Variants in UEVLD observed in about 807,000 individuals in gnomAD.
UEVLD encodes ubiquitin-conjugating enzyme E2 variant 3.
A neutral mutation model predicts 58.6 loss-of-function variants in UEVLD; 47 were observed. The observed-to-expected ratio is 0.80, with a 90% CI of 0.63 to 1.02. The LOEUF (loss-of-function observed/expected upper bound fraction) is 1.02. Among genes scored for constraint, UEVLD ranks in the 50% least tolerant of loss-of-function variants. The pLI is 0.00. For synonymous variants in UEVLD, 197 were observed against 195.3 expected (o/e 1.01, Z -0.07); for missense variants, 510 against 550.6 (o/e 0.93, Z 0.74).
intron 1 of UEVLD, among the ~76,000 whole-genome samples, chr11:18,586,874 CA>C (rs1275925879): frequency 1.5e-5 from 2 of 136,122 alleles, no homozygotes; most frequent in Non-Finnish European, 3.4e-5. Flanking sequence ...ACTAAAAATA[CA>C]AAAAAAATTA....
intron 7 of UEVLD, among the ~76,000 whole-genome samples, chr11:18,553,140 G>A (rs1412546288): frequency 7.4e-6 from 1 of 135,968 alleles, no homozygotes; most frequent in Non-Finnish European, 1.6e-5. Flanking sequence ...GGGTGACAGA[G>A]TGAGGTTCCG....
At chr11:18,551,664 T>C (rs1851535301) in intron 7 of UEVLD, among the ~76,000 whole-genome samples, 1 of 152,190 alleles carries the variant, frequency 6.6e-6, no homozygotes. Flanking sequence ...ATTAGCATAA[T>C]GCTAAGTTTC....
chr11:18,534,261 G>T, intron 11 of UEVLD, 69 bp downstream of exon 11: 1 of 1,211,262 alleles, frequency 8.3e-7, no homozygotes, highest in Non-Finnish European at 1.1e-6. Context: ...TATGAATAAT[G>T]ATTTTGTTAG....
intron 9 of UEVLD, among the ~76,000 whole-genome samples, chr11:18,542,699 A>T (rs1000167740): frequency 1.3e-5 from 2 of 152,104 alleles, no homozygotes; most frequent in Admixed American, 1.3e-4. Flanking sequence ...ATCAATGTTA[A>T]TATTTTATTT....
intron 7 of UEVLD, among the ~76,000 whole-genome samples, chr11:18,552,557 T>C (rs888533162): frequency 4.6e-5 from 7 of 150,974 alleles, no homozygotes; most frequent in Admixed American, 1.3e-4. Context: ...AAAATGAAAA[T>C]AAAAATTAAA....
chr11:18,563,623 A>G, intron 6 of UEVLD: 1 of 934,726 alleles, frequency 1.1e-6, no homozygotes, highest in Non-Finnish European at 1.3e-6. Context: ...CCAAATAAAA[A>G]TTCAGATGAG....
At chr11:18,536,385 C>T in intron 10 of UEVLD, 21 bp downstream of exon 10, 2 of 1,611,618 alleles carry the variant, frequency 1.2e-6, no homozygotes, top group Non-Finnish European at 1.7e-6. Context: ...TGGATAAATG[C>T]AAATTTCCAG....
At chr11:18,585,023 T>C (rs1853467901) in intron 1 of UEVLD, among the ~76,000 whole-genome samples, 2 of 152,238 alleles carry the variant, frequency 1.3e-5, no homozygotes, top group Admixed American at 1.3e-4. Context: ...ATAGCTTCTC[T>C]AAGTTTGTAT....
intron 1 of UEVLD, among the ~76,000 whole-genome samples, chr11:18,581,383 T>C (rs949053041): frequency 2.0e-5 from 3 of 151,244 alleles, no homozygotes; most frequent in African/African-American, 7.3e-5. Context: ...TCTAGAACAG[T>C]ATAGAAAATT....
chr11:18,557,595 C>G (rs1851811709), intron 7 of UEVLD, among the ~76,000 whole-genome samples: 1 of 145,406 alleles, frequency 6.9e-6, no homozygotes, highest in Non-Finnish European at 1.5e-5. Context: ...ATATGTTGCT[C>G]AGGCTGGAGT....
chr11:18,536,401 G>A lies in UEVLD; in HGVS notation c.1124+5C>T. The A allele has an allele frequency of 1.2e-6, 2 of 1,613,456 alleles. No individual in the cohort carries two copies. The highest frequency in any genetic ancestry group is 1.7e-6 in the Non-Finnish European group (2 of 1,179,532). On this transcript the variant is annotated splice_donor_5th_base_variant and intron_variant, in intron 10 of 11. Transcript: ENST00000396197. ...GGATAAATGCAAATTTCCAGTCAGT[G>A]TTACCTGTTGGACAGCTGCACTTGA...
intron 7 of UEVLD, among the ~76,000 whole-genome samples, chr11:18,552,982 CGT>C (rs1049100173): frequency 5.4e-5 from 8 of 148,020 alleles, no homozygotes; most frequent in South Asian, 2.3e-4. Flanking sequence ...GGTGAAACCC[CGT>C]CTCTACTAAA....
intron 2 of UEVLD, 85 bp downstream of exon 2, chr11:18,578,639 A>G (rs1853061737): frequency 1.1e-6 from 1 of 917,872 alleles, no homozygotes; most frequent in African/African-American, 1.7e-5. Flanking sequence ...AGAGAAAAAG[A>G]GAAATTACAA....
At chr11:18,572,437 A>T (rs1318917962) in intron 3 of UEVLD, among the ~76,000 whole-genome samples, 2 of 152,206 alleles carry the variant, frequency 1.3e-5, no homozygotes, top group Non-Finnish European at 2.9e-5. Context: ...CCCTTCCCAA[A>T]TGTTTAAATT....
In UEVLD at chr11:18,555,852, G is replaced by A. The variant is rs565012038; in HGVS notation, c.715+2376C>T. Among the ~76,000 whole-genome samples, 154 of 152,252 alleles carry A rather than the reference G, an allele frequency of 1.0e-3. 3 individuals carry two copies. The South Asian group carries it at 0.031, about 31-fold the overall frequency. On this transcript the variant is annotated intron_variant, in intron 7 of 11. Coordinates refer to ENST00000396197, the MANE Select transcript of UEVLD (RefSeq NM_001040697.4). ...TAGTCCAAGCTACTTAGGAGGCTGA[G>A]GTGGGAGGATCGCTTGAACCCAGGA...
At chr11:18,532,600 TAAAA>T in intron 11 of UEVLD, 113 bp from the exon 12 acceptor site, 2 of 883,998 alleles carry the variant, frequency 2.3e-6, no homozygotes, top group Non-Finnish European at 3.1e-6. Context: ...AAGTTGGACT[TAAAA>T]AAATTTTTTT....
intron 10 of UEVLD, among the ~76,000 whole-genome samples, chr11:18,535,809 T>G (rs1012756317): frequency 2.6e-5 from 4 of 152,222 alleles, no homozygotes; most frequent in Non-Finnish European, 4.4e-5. Flanking sequence ...AGATATTCAT[T>G]TTTAAGTGGT....
At chr11:18,534,244 G>T in intron 11 of UEVLD, 86 bp downstream of exon 11, 2 of 1,058,754 alleles carry the variant, frequency 1.9e-6, no homozygotes, top group Non-Finnish European at 2.5e-6. Flanking sequence ...GACACCTGGG[G>T]TTAGAGTATG....
At position 18,530,070 on chromosome 11, in the gene UEVLD, A is replaced by T. The variant is rs964033469; in HGVS notation, c.*2250T>A. On this transcript the variant is annotated 3_prime_UTR_variant, in exon 12 of 12. Transcript: ENST00000396197. Reference sequence around the variant, plus strand: ...TAATTAATGTAATGATTTCTTGGTAATTTATTATACAATATTTTCTGGTTA... The same window carrying T: ...TAATTAATGTAATGATTTCTTGGTATTTTATTATACAATATTTTCTGGTTA... 6.6e-6 allele frequency: 1 copy of T among 152,174 alleles called. No individual in the cohort carries two copies. Among genetic ancestry groups the T allele is most frequent in the Non-Finnish European group, 1.5e-5 (1 of 68,020 alleles). The allele number at this position is 152,174 out of a possible 1,614,324, so 9.4% of individuals were successfully genotyped here. A position where few individuals can be genotyped will look rare whatever the true frequency, so the allele number is the denominator to read the frequency against.
Sources: allele counts gnomAD v4.1 joint callset (sites outside exome capture counted in the v4.1 genomes callset), GRCh38; gene constraint gnomAD v4.1.1; transcripts MANE v1.5; gene names NCBI Gene and HGNC (gene_info 2026-07-23, HGNC 2026-07-21).